Variants in LRRTM4 observed in about 807,000 individuals in gnomAD.
The protein encoded by LRRTM4 is leucine-rich repeat transmembrane neuronal protein 4.
A neutral mutation model predicts 47.6 loss-of-function variants in LRRTM4; 25 were observed. The observed-to-expected ratio is 0.53, with a 90% CI of 0.38 to 0.73. The LOEUF (loss-of-function observed/expected upper bound fraction) is 0.73. LRRTM4 is among the 30% of genes least tolerant of loss of function. The probability of loss-of-function intolerance (pLI) is 0.00; values close to 1 mark genes in which losing one functional copy is unlikely to be tolerated. For missense variants in LRRTM4, 638 were observed against 713.4 expected (o/e 0.89, Z 1.20); for synonymous variants, 311 against 269.5 (o/e 1.15, Z -1.51).
chr2:77,029,308 T>C (rs992925123), intron 3 of LRRTM4, among the ~76,000 whole-genome samples: 2 of 151,890 alleles, frequency 1.3e-5, no homozygotes, highest in African/African-American at 4.8e-5. Flanking sequence ...CTGCAAGCTG[T>C]GGAGCAAGGG....
chr2:76,862,644 C>T (rs1187495666), intron 3 of LRRTM4, among the ~76,000 whole-genome samples: 1 of 152,188 alleles, frequency 6.6e-6, no homozygotes, highest in Non-Finnish European at 1.5e-5. Context: ...TGCGCGCGCA[C>T]ACACACACAA....
At chr2:77,015,521 T>TC (rs1275980386) in intron 3 of LRRTM4, among the ~76,000 whole-genome samples, 1 of 152,032 alleles carries the variant, frequency 6.6e-6, no homozygotes, top group Non-Finnish European at 1.5e-5. Context: ...ATACAGGATT[T>TC]CACCATGTTG....
intron 3 of LRRTM4, among the ~76,000 whole-genome samples, chr2:77,004,822 C>G (rs1478710169): frequency 6.6e-6 from 1 of 152,184 alleles, no homozygotes; most frequent in Non-Finnish European, 1.5e-5. Flanking sequence ...AAATCCACAT[C>G]TTGCATCAGC....
At chr2:77,242,291 A>G (rs575372639) in intron 3 of LRRTM4, among the ~76,000 whole-genome samples, 34 of 152,298 alleles carry the variant, frequency 2.2e-4, no homozygotes, top group African/African-American at 7.9e-4. Context: ...CCAAAAGCAC[A>G]GGTAATAAAA....
Position 77,418,018 on chromosome 2 carries a change from C to A in LRRTM4, c.1551+100300G>T, listed in dbSNP as rs1573386528. On this transcript the variant is annotated intron_variant, in intron 3 of 3. Coordinates refer to ENST00000409884, the MANE Select transcript of LRRTM4 (RefSeq NM_001134745.3). ...AAATCATATTAATTAGATGACTAGT[C>A]TTCAAAAATTAGTTTAATGGCATAG... Among the ~76,000 whole-genome samples, 3 of 151,120 alleles carry A rather than the reference C, an allele frequency of 2.0e-5. No homozygotes were observed. In the East Asian group the frequency reaches 5.8e-4, roughly 29 times the overall value.
At chr2:77,269,745 A>G (rs1344236894) in intron 3 of LRRTM4, among the ~76,000 whole-genome samples, 1 of 152,200 alleles carries the variant, frequency 6.6e-6, no homozygotes, top group Non-Finnish European at 1.5e-5. Flanking sequence ...GCCTTTGTTC[A>G]ACTATGCTTG....
At chr2:77,052,439 G>A (rs188223050) in intron 3 of LRRTM4, among the ~76,000 whole-genome samples, 2 of 151,942 alleles carry the variant, frequency 1.3e-5, no homozygotes, top group East Asian at 3.9e-4. Flanking sequence ...AAAGTGCTGG[G>A]ATTACAGGTG....
chr2:76,986,792 C>A (rs1209088457), intron 3 of LRRTM4, among the ~76,000 whole-genome samples: 3 of 151,958 alleles, frequency 2.0e-5, no homozygotes, highest in African/African-American at 7.2e-5. Flanking sequence ...ACTCCTTGGA[C>A]TTTGCAGCTA....
intron 3 of LRRTM4, among the ~76,000 whole-genome samples, chr2:77,027,344 T>C (rs1023520373): frequency 6.6e-6 from 1 of 152,290 alleles, no homozygotes; most frequent in Admixed American, 6.5e-5. Flanking sequence ...AAAGAACTCA[T>C]AAATGCTTTT....
rs78599128 is a variant in LRRTM4, at chr2:76,984,304, C to G, written c.1552-235388G>C. ...GTACACATTAATTGAAATTTGTCCT[C>G]AAATTTAGAAATGTTTCAATATTTT... is the stretch of plus-strand genomic sequence containing the variant. On this transcript the variant is annotated intron_variant, in intron 3 of 3. Coordinates refer to ENST00000409884, the MANE Select transcript of LRRTM4 (RefSeq NM_001134745.3). Among the ~76,000 whole-genome samples, 462 of 151,886 alleles carry G rather than the reference C, an allele frequency of 3.0e-3. 5 individuals carry two copies. In the East Asian group the frequency reaches 0.049, roughly 16 times the overall value.
intron 3 of LRRTM4, among the ~76,000 whole-genome samples, chr2:77,377,789 T>C (rs1037570229): frequency 6.6e-6 from 1 of 152,064 alleles, no homozygotes; most frequent in Non-Finnish European, 1.5e-5. Flanking sequence ...GATTTTGTAA[T>C]ACTAAGACAT....
intron 3 of LRRTM4, among the ~76,000 whole-genome samples, chr2:76,956,148 A>G (rs1449173684): frequency 1.3e-5 from 2 of 151,706 alleles, no homozygotes; most frequent in Non-Finnish European, 2.9e-5. Flanking sequence ...CATACAAATG[A>G]TAACCAAAGA....
chr2:77,209,815 T>C (rs558629718), intron 3 of LRRTM4, among the ~76,000 whole-genome samples: 1 of 152,344 alleles, frequency 6.6e-6, no homozygotes, highest in Admixed American at 6.5e-5. Context: ...GGAGAAACTG[T>C]GAACAAAGTG....
chr2:76,751,433 T>C (rs999847429), intron 3 of LRRTM4, among the ~76,000 whole-genome samples: 1 of 152,182 alleles, frequency 6.6e-6, no homozygotes, highest in East Asian at 1.9e-4. Flanking sequence ...AAAAGGAGAA[T>C]TGCAAAAAAT....
At chr2:77,455,469 T>G (rs1208070187) in intron 3 of LRRTM4, among the ~76,000 whole-genome samples, 3 of 152,144 alleles carry the variant, frequency 2.0e-5, no homozygotes, top group African/African-American at 4.8e-5. Flanking sequence ...GACATGGTTT[T>G]CCTTACAGTC....
chr2:76,806,994 C>A (rs973916056), intron 3 of LRRTM4, among the ~76,000 whole-genome samples: 1 of 152,060 alleles, frequency 6.6e-6, no homozygotes, highest in South Asian at 2.1e-4. Flanking sequence ...GAGACATCAA[C>A]AAATTATCAG....
intron 3 of LRRTM4, among the ~76,000 whole-genome samples, chr2:77,462,288 T>C (rs982147126): frequency 6.6e-6 from 1 of 152,122 alleles, no homozygotes; most frequent in African/African-American, 2.4e-5. Flanking sequence ...TAAGCCATTA[T>C]CAAAATAAAA....
At chr2:77,032,116 T>A (rs1678680620) in intron 3 of LRRTM4, among the ~76,000 whole-genome samples, 1 of 152,192 alleles carries the variant, frequency 6.6e-6, no homozygotes, top group Non-Finnish European at 1.5e-5. Flanking sequence ...TCAGCCTCTC[T>A]ACTTCTATCC....
chr2:77,499,827 G>C (rs958761708), intron 3 of LRRTM4, among the ~76,000 whole-genome samples: 1 of 151,736 alleles, frequency 6.6e-6, no homozygotes, highest in African/African-American at 2.4e-5. Context: ...TCCCTGGAAG[G>C]CATATGAGTT....
Sources: allele counts gnomAD v4.1 joint callset (sites outside exome capture counted in the v4.1 genomes callset), GRCh38; gene constraint gnomAD v4.1.1; transcripts MANE v1.5; gene names NCBI Gene and HGNC (gene_info 2026-07-23, HGNC 2026-07-21).